Variants in NBPF12 observed in about 807,000 individuals in gnomAD.
NBPF12 encodes the protein NBPF member 12.
NBPF12 carries 115 observed loss-of-function variants against 146.4 expected under a neutral mutation model. The ratio of observed to expected loss-of-function variants is 0.79; its 90% CI spans 0.68 to 0.92. NBPF12 has a LOEUF of 0.92. NBPF12 is among the 40% of genes least tolerant of loss of function. NBPF12 has a pLI of 0.00. For missense variants in NBPF12, 1,205 were observed against 1,326.8 expected (o/e 0.91, Z 1.43); for synonymous variants, 385 against 508.9 (o/e 0.76, Z 3.28).
At chr1:146,962,958 G>C (rs1262170014) in intron 5 of NBPF12, 137 bp from the exon 9 acceptor site, 4 of 653,542 alleles carry the variant, frequency 6.1e-6, no homozygotes, top group Non-Finnish European at 1.1e-5. Context: ...CTTGGCCACA[G>C]ACATTCCTTT....
At chr1:146,972,047 C>T (rs1656668137) in intron 13 of NBPF12, among the ~76,000 whole-genome samples, 1 of 147,358 alleles carries the variant, frequency 6.8e-6, no homozygotes, top group Admixed American at 6.7e-5. Context: ...GAGATTGTGC[C>T]ACTGCACTCC....
chr1:146,980,408 T>G (rs1171888409), intron 19 of NBPF12, among the ~76,000 whole-genome samples: 13 of 152,188 alleles, frequency 8.5e-5, no homozygotes, highest in East Asian at 3.9e-4. Context: ...TCTTCCTAGC[T>G]TCAATGGTCT....
At position 146,994,909 on chromosome 1, in the gene NBPF12, T is replaced by G. The variant is rs1277173980; in HGVS notation, c.*334T>G. The G allele has an allele frequency of 7.4e-6, 3 of 406,974 alleles. No homozygotes were observed. The East Asian group carries it at 1.7e-4, about 22-fold the overall frequency. 25.2% of individuals were successfully genotyped at this position (406,974 alleles called of 1,614,324 possible). A position where few individuals can be genotyped will look rare whatever the true frequency, so the allele number is the denominator to read the frequency against. ...CATGTCTCTGAGCTTCTATACCTAC[T>G]CAAGGTCAGTGTCATCTTTGTGTTT... On this transcript the variant is annotated 3_prime_UTR_variant, in exon 34 of 34. Transcript: ENST00000617844.
intron 2 of NBPF12, among the ~76,000 whole-genome samples, chr1:146,953,857 A>G (rs1655434444): frequency 6.6e-6 from 1 of 151,980 alleles, no homozygotes; most frequent in Admixed American, 6.5e-5. Context: ...AGAAAAATTA[A>G]TAAAGTATTG....
rs1553885246 is a variant in NBPF12, at chr1:146,964,422, G to T, written c.559G>T (p.Ala187Ser). Residue 187 changes from alanine (A) to serine (S), a missense_variant, in exon 7 of 34, where the codon GCC becomes TCC. Physicochemically the swap from Ala to Ser is moderately conservative, Grantham distance 99 (BLOSUM62 1). This residue lies in a region of NBPF12 where 325 missense variants were observed against 236.6 expected (regional missense o/e 1.37). Coordinates refer to ENST00000617844, the Ensembl canonical transcript of NBPF12. ...GGATGAGAAAGTACTGGAATCATCT[G>T]CCCCCAGGTAACACTGAATACTCAG... 170 of 1,601,158 alleles carry T rather than the reference G, an allele frequency of 1.1e-4. 1 individual carries two copies. Among genetic ancestry groups the T allele is most frequent in the Admixed American group, 4.3e-4 (26 of 59,950 alleles).
At chr1:146,974,179 G>T (rs1207271702) in intron 14 of NBPF12, among the ~76,000 whole-genome samples, 1 of 148,592 alleles carries the variant, frequency 6.7e-6, no homozygotes, top group Non-Finnish European at 1.5e-5. Context: ...TAGCATTTGG[G>T]CATAGGATTT....
At chr1:146,970,769 G>A (rs1160731513) in intron 12 of NBPF12, 50 bp downstream of exon 15, 3 of 1,270,380 alleles carry the variant, frequency 2.4e-6, no homozygotes, top group Middle Eastern at 2.6e-4. Flanking sequence ...ATATGAAAAT[G>A]TCTAGGAGGC....
chr1:146,939,979 C>T (rs1252169159), intron 1 of NBPF12, among the ~76,000 whole-genome samples: 2 of 44,348 alleles, frequency 4.5e-5, no homozygotes, highest in Admixed American at 4.1e-4. Flanking sequence ...AGCGAGACTC[C>T]CTCTAAAAAA....
At chr1:146,960,521 G>T (rs1354715787) in intron 4 of NBPF12, among the ~76,000 whole-genome samples, 1 of 151,942 alleles carries the variant, frequency 6.6e-6, no homozygotes, top group African/African-American at 2.4e-5. Context: ...GCAGTCAGAT[G>T]GGGGTGGGAC....
intron 19 of NBPF12, among the ~76,000 whole-genome samples, chr1:146,981,277 TAAAAA>T (rs878971787): frequency 0.019 from 1,884 of 101,272 alleles, 84 homozygotes; most frequent in African/African-American, 0.032. Context: ...CTTAAAGTAT[TAAAAA>T]AAAAAAAAAA....
At chr1:146,995,940 T>C (rs1200005722) in exon 34 of NBPF12, 3 of 150,802 alleles carry the variant, frequency 2.0e-5, no homozygotes, top group African/African-American at 7.4e-5. Flanking sequence ...TATATACATA[T>C]CTCTACGCTG....
exon 9 of NBPF12, chr1:146,966,528 C>G (rs1253132706): frequency 3.4e-6 from 5 of 1,481,190 alleles, no homozygotes; most frequent in East Asian, 2.3e-5. Flanking sequence ...CTTTGTCCAG[C>G]GAGAAGGCAG....
intron 16 of NBPF12, 21 bp from the exon 20 acceptor site, chr1:146,976,908 T>G (rs1450791575): frequency 1.2e-5 from 8 of 654,316 alleles, no homozygotes; most frequent in Middle Eastern, 4.0e-4. Flanking sequence ...AATATCTGAA[T>G]GAACACTTCT....
In NBPF12 at chr1:146,984,588, T is replaced by C. The variant is rs1464593932; in HGVS notation, c.2667-225T>C. Among the ~76,000 whole-genome samples, 5 of 24,162 alleles carry C rather than the reference T, an allele frequency of 2.1e-4. No individual in the cohort carries two copies. In the South Asian group the frequency reaches 0.011, roughly 54 times the overall value. The allele number at this position is 24,162 out of a possible 152,430, so 15.9% of individuals were successfully genotyped here. A position where few individuals can be genotyped will look rare whatever the true frequency, so the allele number is the denominator to read the frequency against. ...TGACTGAGCTCACACTGTGTGTGTG[T>C]GTGTGTGTGTGTGTGTGTGTGTGTG... On this transcript the variant is annotated intron_variant, in intron 21 of 33. Coordinates refer to ENST00000617844, the Ensembl canonical transcript of NBPF12.
intron 1 of NBPF12, among the ~76,000 whole-genome samples, chr1:146,942,307 T>A (rs1654844304): frequency 6.6e-6 from 1 of 150,796 alleles, no homozygotes; most frequent in Non-Finnish European, 1.5e-5. Context: ...TTTAATAATT[T>A]TTATATTTTT....
chr1:146,950,985 AT>A lies in NBPF12; in HGVS notation c.-325-357del, dbSNP rs1213850339. The stretch of plus-strand genomic sequence containing the variant: ...TTAGTTCTGTAAGAATATGCCAGAC[AT>A]TTTTTCCCAAAGTGTTTATACTATT... On this transcript the variant is annotated intron_variant, in intron 1 of 33. Transcript: ENST00000617844. Among the ~76,000 whole-genome samples, 5 of 151,950 alleles carry A rather than the reference AT, an allele frequency of 3.3e-5. 1 individual carries two copies. The highest frequency in any genetic ancestry group is 9.7e-5 in the African/African-American group (4 of 41,284).
intron 2 of NBPF12, among the ~76,000 whole-genome samples, chr1:146,956,136 T>C (rs1391614063): frequency 4.6e-5 from 7 of 151,766 alleles, no homozygotes; most frequent in Non-Finnish European, 8.8e-5. Context: ...GATAGAAATG[T>C]CCAATAATAA....
intron 13 of NBPF12, 139 bp from the exon 17 acceptor site, chr1:146,972,612 A>T: frequency 1.2e-6 from 1 of 812,670 alleles, no homozygotes; most frequent in Non-Finnish European, 2.2e-6. Context: ...TCAAGACTGG[A>T]GATGACAAGG....
intron 27 of NBPF12, among the ~76,000 whole-genome samples, 154 bp downstream of exon 30, chr1:146,989,103 G>C (rs1203833945): frequency 3.6e-5 from 3 of 82,506 alleles, no homozygotes; most frequent in South Asian, 3.2e-4. Context: ...TAGATGTTTA[G>C]GTTTCCATTT....
Sources: gnomAD v4.1 joint callset for allele counts (sites outside exome capture counted in the v4.1 genomes callset) on GRCh38, gnomAD v4.1.1 for gene constraint, gnomAD v4.1.1 regional missense constraint, MANE v1.5 for transcripts, NCBI Gene and HGNC (gene_info 2026-07-23, HGNC 2026-07-21) for gene names.